Variants in SYT7 observed in about 807,000 individuals in gnomAD.
SYT7 encodes synaptotagmin-7.
A neutral mutation model predicts 75.1 loss-of-function variants in SYT7; 29 were observed. That is an observed-to-expected ratio of 0.39 (90% confidence interval 0.29 to 0.53). The LOEUF is 0.53. SYT7 is among the 20% of genes least tolerant of loss of function. SYT7 has a pLI of 0.77. For synonymous variants in SYT7, 376 were observed against 401.7 expected, an observed-to-expected ratio of 0.94 and a Z score of 0.76; for missense variants, 693 against 953.2, an observed-to-expected ratio of 0.73 and a Z score of 3.59.
intron 1 of SYT7, among the ~76,000 whole-genome samples, chr11:61,558,535 CAT>C (rs58385586): frequency 0.016 from 2,134 of 137,670 alleles, 51 homozygotes; most frequent in African/African-American, 0.054. Flanking sequence ...CACACACACA[CAT>C]ATATATATAA....
At chr11:61,568,707 G>T (rs528075968) in intron 1 of SYT7, among the ~76,000 whole-genome samples, 8 of 152,266 alleles carry the variant, frequency 5.3e-5, no homozygotes, top group African/African-American at 1.9e-4. Context: ...GTTTCTCCAA[G>T]ACCACTCCAG....
intron 6 of SYT7, among the ~76,000 whole-genome samples, chr11:61,539,053 C>T (rs1693720066): frequency 6.6e-6 from 1 of 152,226 alleles, no homozygotes; most frequent in Admixed American, 6.5e-5. Flanking sequence ...AGCACCACCG[C>T]TGAGTCCAGG....
In SYT7 at chr11:61,551,236, G is replaced by C. The variant is rs913596411; in HGVS notation, c.215+148C>G. 3.7e-5 allele frequency: 27 copies of C among 736,514 alleles called. No homozygotes were observed. Among genetic ancestry groups the C allele is most frequent in the Admixed American group, 7.8e-5 (3 of 38,452 alleles). The allele number at this position is 736,514 out of a possible 1,614,324, so 45.6% of individuals were successfully genotyped here. A position where few individuals can be genotyped will look rare whatever the true frequency, so the allele number is the denominator to read the frequency against. Reference sequence around the variant, plus strand: ...AAGACGGGGCCCCTGAGTTTTTGGGGGTGTGTGGAGGGTGTAGAGAGCATG... The same window carrying C: ...AAGACGGGGCCCCTGAGTTTTTGGGCGTGTGTGGAGGGTGTAGAGAGCATG... On this transcript the variant is annotated intron_variant, in intron 3 of 12. Coordinates refer to ENST00000539008, the MANE Select transcript of SYT7 (RefSeq NM_001365809.2). The surrounding 1 kb of genome is among the most constrained non-coding windows in gnomAD (Gnocchi z 5.3).
chr11:61,552,107 G>A (rs1483265151), intron 2 of SYT7, among the ~76,000 whole-genome samples: 2 of 152,130 alleles, frequency 1.3e-5, no homozygotes, highest in African/African-American at 2.4e-5. Context: ...GCCCCCCAGA[G>A]TCCCTCACAC....
chr11:61,553,328 C>T lies in SYT7; in HGVS notation c.136-1865G>A, dbSNP rs950667004. Among the ~76,000 whole-genome samples, 1 of 152,220 alleles carries T rather than the reference C, an allele frequency of 6.6e-6. No homozygotes were observed. Among genetic ancestry groups the T allele is most frequent in the African/African-American group, 2.4e-5 (1 of 41,464 alleles). ...TCTCCAGCACACAGGCAGTGTGGGT[C>T]AAGAGTGGGGCTGCTGAGGGCATCC... On this transcript the variant is annotated intron_variant, in intron 2 of 12. Transcript: ENST00000539008. This position sits in a 1 kb window ranked among gnomAD's most constrained non-coding sequence, Gnocchi z 5.2.
rs957726535 is a variant in SYT7, at chr11:61,527,942, G to C, written c.1444C>G (p.His482Asp). Residue 482 changes from histidine to aspartate, a missense_variant, in exon 9 of 13, where the codon CAC (histidine) becomes GAC (aspartate). Physicochemically the swap from His to Asp is moderately conservative, Grantham distance 81. Around this residue, in one of 2 missense-constraint regions of SYT7, gnomAD observed 206 missense variants for 360.0 expected, o/e 0.57. Transcript: ENST00000539008. ...TCAAAGAGGAAGGTCTCGTTCCAGT[G>C]GGGGTTCAGGTTCTTCCGCTTCACC... ...TKVKRKNLNPHWNETFLFEGF... is the reference protein window; with the variant it reads ...TKVKRKNLNPDWNETFLFEGF... 2 of 1,614,164 alleles carry C rather than the reference G, an allele frequency of 1.2e-6. No homozygotes were observed. The highest frequency in any genetic ancestry group is 2.2e-5 in the South Asian group (2 of 91,078).
chr11:61,561,991 CT>C (rs2063647624), intron 1 of SYT7, among the ~76,000 whole-genome samples: 1 of 151,878 alleles, frequency 6.6e-6, no homozygotes, highest in Non-Finnish European at 1.5e-5. Context: ...GAGTTGAGAG[CT>C]CTCTTTTACA....
In SYT7 at chr11:61,523,066, C is replaced by T. The variant is rs753224245; in HGVS notation, c.1956+9G>A. The T allele has an allele frequency of 9.9e-6, 16 of 1,613,984 alleles. No homozygotes were observed. The highest frequency in any genetic ancestry group is 1.2e-5 in the Non-Finnish European group (14 of 1,180,016). ...AGCAGGTGCACCACACCACCTGCCT[C>T]GCCCCTACCTTGCCGATGACGTCAT... On this transcript the variant is annotated intron_variant, in intron 12 of 12. Coordinates refer to ENST00000539008, the MANE Select transcript of SYT7 (RefSeq NM_001365809.2). The surrounding 1 kb of genome is among the most constrained non-coding windows in gnomAD (Gnocchi z 5.0).
In SYT7 at chr11:61,528,101, T is replaced by C. The variant is rs1433427826; in HGVS notation, c.1285A>G (p.Asn429Asp). The C allele has an allele frequency of 6.2e-7, 1 of 1,613,764 alleles. No homozygotes were observed. The highest frequency in any genetic ancestry group is 2.2e-5 in the East Asian group (1 of 44,860). ...ACGGTGAGCGTGGACTCCTGGAAGTTGTAGCCGACACTGAACTGGATCCGG... is the reference window on the plus strand; with the variant it reads ...ACGGTGAGCGTGGACTCCTGGAAGTCGTAGCCGACACTGAACTGGATCCGG... Reference protein sequence around the residue: ...LGRIQFSVGYNFQESTLTVKI... With the variant: ...LGRIQFSVGYDFQESTLTVKI... The change falls in exon 9 of 13, where the codon AAC becomes GAC. Residue 429 changes from asparagine to aspartate, a missense_variant. By Grantham distance (23) the Asn-to-Asp change is conservative. Transcript: ENST00000539008.
In SYT7 at chr11:61,524,309, C is replaced by G. The variant is rs961737340; in HGVS notation, c.1641+54G>C. 3.8e-6 allele frequency: 6 copies of G among 1,596,360 alleles called. No homozygotes were observed. Among genetic ancestry groups the G allele is most frequent in the Non-Finnish European group, 5.1e-6 (6 of 1,170,312 alleles). ...GGTTGACAAGGGTCTGGGACCAGAT[C>G]TCCCAGCCCTGCCCTGCTGCCTGTC... On this transcript the variant is annotated intron_variant, in intron 10 of 12. Transcript: ENST00000539008. The surrounding 1 kb of genome is among the most constrained non-coding windows in gnomAD (Gnocchi z 4.1).
chr11:61,563,749 A>C (rs1460565318), intron 1 of SYT7, among the ~76,000 whole-genome samples: 1 of 152,156 alleles, frequency 6.6e-6, no homozygotes, highest in African/African-American at 2.4e-5. Context: ...AACTAGACAA[A>C]GATGGTCTCC....
rs1411932861 is a variant in SYT7, at chr11:61,553,944, C to A, written c.135+2160G>T. On this transcript the variant is annotated intron_variant, in intron 2 of 12. Transcript: ENST00000539008. The surrounding 1 kb of genome is among the most constrained non-coding windows in gnomAD (Gnocchi z 5.2). ...AAGGAGACAGCCTGATCAACGAGCT[C>A]CCTGGCTTCTGGAACCCCTGAGGCG... 6.6e-6 allele frequency among the ~76,000 whole-genome samples: 1 copy of A among 152,052 alleles called. No homozygotes were observed. Among genetic ancestry groups the A allele is most frequent in the African/African-American group, 2.4e-5 (1 of 41,382 alleles).
Position 61,524,546 on chromosome 11 carries a change from T to C in SYT7, c.1472-14A>G. 6.4e-7 allele frequency: 1 copy of C among 1,561,004 alleles called. No individual in the cohort carries two copies. The highest frequency in any genetic ancestry group is 1.2e-5 in the South Asian group (1 of 81,616). ...CATAGGGAAAACCTGGGGGTATAGATGAGTGTGAGTGAAGAGGGGGACAGA... is the reference window on the plus strand; with the variant it reads ...CATAGGGAAAACCTGGGGGTATAGACGAGTGTGAGTGAAGAGGGGGACAGA... On this transcript the variant is annotated splice_polypyrimidine_tract_variant and intron_variant, in intron 9 of 12. Transcript: ENST00000539008. The surrounding 1 kb of genome is among the most constrained non-coding windows in gnomAD (Gnocchi z 4.1).
At chr11:61,519,812 T>TTTTG (rs749245537) in intron 12 of SYT7, among the ~76,000 whole-genome samples, 7 of 152,070 alleles carry the variant, frequency 4.6e-5, no homozygotes, top group African/African-American at 7.2e-5. Flanking sequence ...AAAATAGTGT[T>TTTTG]TTTGTTTGTT....
intron 5 of SYT7, among the ~76,000 whole-genome samples, chr11:61,544,112 G>T (rs750202490): frequency 6.6e-6 from 1 of 152,252 alleles, no homozygotes; most frequent in Non-Finnish European, 1.5e-5. Context: ...CATTGTGCAA[G>T]AGAGTATATG....
chr11:61,517,835 G>T lies in SYT7; in HGVS notation c.*792C>A. On this transcript the variant is annotated 3_prime_UTR_variant, in exon 13 of 13. Coordinates refer to ENST00000539008, the MANE Select transcript of SYT7 (RefSeq NM_001365809.2). ...GATTCTGAGCAGAGGGGGGCACCAA[G>T]GGGAGAAGGGGAGGAGACGGGGGGA... 1 of 330,370 alleles carries T rather than the reference G, an allele frequency of 3.0e-6. No homozygotes were observed. The allele number at this position is 330,370 out of a possible 1,614,324, so 20.5% of individuals were successfully genotyped here.
chr11:61,575,464 C>A (rs750606818), intron 1 of SYT7, among the ~76,000 whole-genome samples: 3 of 152,182 alleles, frequency 2.0e-5, no homozygotes, highest in Non-Finnish European at 4.4e-5. Context: ...TCAGTTTGAC[C>A]CAGACACATA....
the SYT7 span, among the ~76,000 whole-genome samples, chr11:61,587,357 C>G: frequency 6.6e-5 from 10 of 152,234 alleles, no homozygotes; most frequent in Non-Finnish European, 1.0e-4. Context: ...GGCCGTTACT[C>G]TTCTTCCCGC....
Position 61,527,905 on chromosome 11 carries a change from C to G in SYT7, c.1471+10G>C. ...GTGACCATGGCGGGGGAAGGTGGCACTAGACTCACCTTCAAAGAGGAAGGT... is the reference window on the plus strand; with the variant it reads ...GTGACCATGGCGGGGGAAGGTGGCAGTAGACTCACCTTCAAAGAGGAAGGT... On this transcript the variant is annotated intron_variant, in intron 9 of 12. Coordinates refer to ENST00000539008, the MANE Select transcript of SYT7 (RefSeq NM_001365809.2). 1.9e-6 allele frequency: 3 copies of G among 1,612,878 alleles called. No individual in the cohort carries two copies. The highest frequency in any genetic ancestry group is 2.5e-6 in the Non-Finnish European group (3 of 1,179,062).
Sources: allele counts gnomAD v4.1 joint callset (sites outside exome capture counted in the v4.1 genomes callset), GRCh38; gene constraint gnomAD v4.1.1; regional missense constraint gnomAD v4.1.1; non-coding constraint Gnocchi (gnomAD v3.1); transcripts MANE v1.5; gene names NCBI Gene and HGNC (gene_info 2026-07-23, HGNC 2026-07-21).